CRACD: variants seen among roughly 807,000 people sequenced by gnomAD.
CRACD encodes capping protein-inhibiting regulator of actin dynamics.
A neutral mutation model predicts 106.8 loss-of-function variants in CRACD; 56 were observed. That is an observed-to-expected ratio of 0.52 (90% CI 0.42 to 0.66). The LOEUF is 0.66. CRACD is among the 30% of genes least tolerant of loss of function. The pLI is 0.00. For missense variants in CRACD, 1,730 were observed against 1,623.2 expected (o/e 1.07, Z -1.13); for synonymous variants, 754 against 670.8 (o/e 1.12, Z -1.92).
At chr4:56,112,529 G>A (rs1043545350) in intron 1 of CRACD, among the ~76,000 whole-genome samples, 2 of 151,990 alleles carry the variant, frequency 1.3e-5, no homozygotes, top group African/African-American at 4.8e-5. Flanking sequence ...CTGGCTAGTT[G>A]GGGGGACCTC....
At chr4:56,121,116 TG>T (rs770117874) in intron 1 of CRACD, among the ~76,000 whole-genome samples, 5 of 152,234 alleles carry the variant, frequency 3.3e-5, no homozygotes, top group Non-Finnish European at 5.9e-5. Flanking sequence ...TTACTATTTT[TG>T]CAAATAGTCA....
chr4:56,064,458 C>T (rs990336041), intron 1 of CRACD, among the ~76,000 whole-genome samples: 7 of 152,200 alleles, frequency 4.6e-5, no homozygotes, highest in African/African-American at 1.7e-4. Context: ...GCACACTTTT[C>T]AAAGCTCTTT....
At chr4:56,052,092 G>A (rs955705031) in intron 1 of CRACD, among the ~76,000 whole-genome samples, 1 of 152,060 alleles carries the variant, frequency 6.6e-6, no homozygotes, top group Admixed American at 6.5e-5. Flanking sequence ...TTAAAGAGGT[G>A]AGGTCTCACT....
At position 56,314,882 on chromosome 4, in the gene CRACD, G is replaced by A; in HGVS notation, c.1380G>A (p.Arg460=). ...AGGAGCAGAACCCAGAGGCCGAGCG[G>A]CGAAGAGAGCAGCAGGGAAGGAGCG... ...ICEEQNPEAE[R]RREQQGRSGD... is the part of the protein sequence containing the mutation. Residue 460 remains arginine, a synonymous_variant, in exon 8 of 11, where the codon CGG becomes CGA. Transcript: ENST00000682029. The surrounding 1 kb of genome is among the most constrained non-coding windows in gnomAD (Gnocchi z 4.4). The A allele has an allele frequency of 1.9e-6, 3 of 1,611,226 alleles. No individual in the cohort carries two copies. Among genetic ancestry groups the A allele is most frequent in the Non-Finnish European group, 2.5e-6 (3 of 1,179,278 alleles).
intron 1 of CRACD, among the ~76,000 whole-genome samples, chr4:56,151,485 C>G (rs79293079): frequency 0.03 from 4,491 of 151,812 alleles, 217 homozygotes; most frequent in African/African-American, 0.1. Context: ...GAGTAAGTTG[C>G]CAACTAGATA....
At chr4:56,235,657 A>G (rs1431830191) in intron 2 of CRACD, among the ~76,000 whole-genome samples, 1 of 152,190 alleles carries the variant, frequency 6.6e-6, no homozygotes, top group Non-Finnish European at 1.5e-5. Flanking sequence ...TTAGTGTGTT[A>G]ACTGCTCCCA....
At chr4:56,313,973 A>G (rs1745323556) in intron 7 of CRACD, 67 bp from the exon 8 acceptor site, 1 of 1,542,770 alleles carries the variant, frequency 6.5e-7, no homozygotes, top group South Asian at 1.3e-5. Flanking sequence ...GGCACTGTGA[A>G]TAGGAAAAGG....
At chr4:56,175,508 T>A (rs1034660450) in intron 1 of CRACD, among the ~76,000 whole-genome samples, 6 of 152,192 alleles carry the variant, frequency 3.9e-5, no homozygotes, top group Non-Finnish European at 2.9e-5. Flanking sequence ...TTTTTTAAAA[T>A]TTTTTAAATT....
intron 1 of CRACD, among the ~76,000 whole-genome samples, chr4:56,114,441 G>A (rs1734216459): frequency 6.6e-6 from 1 of 151,990 alleles, no homozygotes; most frequent in Admixed American, 6.5e-5. Context: ...AATAGGTCAT[G>A]GCTGTGTATA....
chr4:56,328,481 C>T lies in CRACD; in HGVS notation c.*677C>T, dbSNP rs189178984. On this transcript the variant is annotated 3_prime_UTR_variant, in exon 11 of 11. Coordinates refer to ENST00000682029, the MANE Select transcript of CRACD (RefSeq NM_001393381.1). ...GTTATTCCAATACCCTCCTTAAGGA[C>T]ATGTGAAGCATTTGGCCCAGTTGGC... 1.0e-5 allele frequency: 5 copies of T among 484,946 alleles called. No individual in the cohort carries two copies. The highest frequency in any genetic ancestry group is 8.7e-5 in the Admixed American group (4 of 45,936). The allele number at this position is 484,946 out of a possible 1,614,324, so 30.0% of individuals were successfully genotyped here.
chr4:56,097,956 A>C (rs1258948827), intron 1 of CRACD, among the ~76,000 whole-genome samples: 2 of 152,214 alleles, frequency 1.3e-5, no homozygotes, highest in African/African-American at 4.8e-5. Context: ...ACTTAAATTT[A>C]CTAAAGGAAA....
rs1339236921 is a variant in CRACD at position 56,131,471 on chromosome 4, TC to T, written c.-335-47812del. ...ATATAGGCAGGCACAAATGGTATCT[TC>T]TTTTGCCCATGAAGGTGGAACAATA... On this transcript the variant is annotated intron_variant, in intron 1 of 10. Transcript: ENST00000682029. 6.8e-5 allele frequency among the ~76,000 whole-genome samples: 10 copies of T among 146,210 alleles called. No homozygotes were observed. In the Admixed American group the frequency reaches 7.0e-4, roughly 10 times the overall value.
rs75004322 is a variant in CRACD at position 56,288,453 on chromosome 4, C to T, written c.-16-9761C>T. ...GTGTGTTCCCAAGACTTGGTTCCCA[C>T]TTATAAGTGAGAACATACGATATTT... On this transcript the variant is annotated intron_variant, in intron 3 of 10. Transcript: ENST00000682029. 400 of 158,052 alleles carry T rather than the reference C, an allele frequency of 2.5e-3. 1 individual carries two copies. The highest frequency in any genetic ancestry group is 9.1e-3 in the African/African-American group (383 of 41,862). 9.8% of individuals were successfully genotyped at this position (158,052 alleles called of 1,614,324 possible). A position where few individuals can be genotyped will look rare whatever the true frequency, so the allele number is the denominator to read the frequency against.
intron 1 of CRACD, among the ~76,000 whole-genome samples, chr4:56,176,840 A>G (rs529676385): frequency 6.6e-6 from 1 of 152,268 alleles, no homozygotes; most frequent in Admixed American, 6.5e-5. Context: ...AAATGAGATT[A>G]CTTTCTAGAT....
chr4:56,149,625 A>G (rs1045130786), intron 1 of CRACD, among the ~76,000 whole-genome samples: 5 of 152,258 alleles, frequency 3.3e-5, no homozygotes, highest in Non-Finnish European at 7.3e-5. Flanking sequence ...CCAATAAATT[A>G]AAAGCGATGA....
intron 1 of CRACD, among the ~76,000 whole-genome samples, chr4:56,170,701 C>T (rs574511916): frequency 4.6e-5 from 7 of 152,120 alleles, no homozygotes; most frequent in African/African-American, 1.7e-4. Context: ...ATTAGCCAGG[C>T]ATGGTGGTGT....
In CRACD at chr4:56,315,606, C is replaced by G; in HGVS notation, c.2104C>G (p.Arg702Gly). 6.2e-7 allele frequency: 1 copy of G among 1,614,160 alleles called. No individual in the cohort carries two copies. The highest frequency in any genetic ancestry group is 1.1e-5 in the South Asian group (1 of 91,090). ...RPGDESTPRGRCDSRGNQRKT... is the reference protein window; with the variant it reads ...RPGDESTPRGGCDSRGNQRKT... ...CGGTGATGAGTCCACTCCCAGGGGCCGGTGTGATTCCCGCGGGAACCAACG... is the reference window on the plus strand; with the variant it reads ...CGGTGATGAGTCCACTCCCAGGGGCGGGTGTGATTCCCGCGGGAACCAACG... Residue 702 changes from arginine (R) to glycine (G), a missense_variant, in exon 8 of 11, where the codon CGG becomes GGG. By Grantham distance (125) the Arg-to-Gly change is moderately radical. Around this residue, in one of 5 missense-constraint regions of CRACD, gnomAD observed 1,620 missense variants for 1,481.6 expected, o/e 1.09. Transcript: ENST00000682029. This position sits in a 1 kb window ranked among gnomAD's most constrained non-coding sequence, Gnocchi z 4.1.
intron 1 of CRACD, among the ~76,000 whole-genome samples, chr4:56,095,195 TA>T (rs1267445341): frequency 6.6e-6 from 1 of 151,994 alleles, no homozygotes; most frequent in Non-Finnish European, 1.5e-5. Context: ...CTACTAAAAA[TA>T]AAAAAATTAG....
Position 56,314,590 on chromosome 4 carries a change from AGGAGGAGGCTGAGGGATG to A in CRACD, c.1092_1109del (p.Ala366_Glu371del), listed in dbSNP as rs1034725811. The A allele has an allele frequency of 2.0e-6, 3 of 1,522,330 alleles. No individual in the cohort carries two copies. The African/African-American group carries it at 4.2e-5, about 21-fold the overall frequency. 94.3% of individuals were successfully genotyped at this position (1,522,330 alleles called of 1,614,324 possible). A position where few individuals can be genotyped will look rare whatever the true frequency, so the allele number is the denominator to read the frequency against. ...GCGGAGGAGCTCAAAAGGCAGGAGG[AGGAGGAGGCTGAGGGATG>A]GGAAGAGCTGGAACAGCAGGAGGCG... On this transcript the variant is annotated inframe_deletion, in exon 8 of 11. Transcript: ENST00000682029. The surrounding 1 kb of genome is among the most constrained non-coding windows in gnomAD (Gnocchi z 4.4).
Sources: gnomAD v4.1 joint callset for allele counts (sites outside exome capture counted in the v4.1 genomes callset) on GRCh38, gnomAD v4.1.1 for gene constraint, gnomAD v4.1.1 regional missense constraint, Gnocchi (gnomAD v3.1) non-coding constraint, MANE v1.5 for transcripts, NCBI Gene and HGNC (gene_info 2026-07-23, HGNC 2026-07-21) for gene names.